The following GRIK1 variants were observed in gnomAD, a reference collection of about 807,000 sequenced individuals.
GRIK1 encodes the protein glutamate receptor ionotropic, kainate 1.
A neutral mutation model predicts 105.7 loss-of-function variants in GRIK1; 69 were observed. The observed-to-expected ratio is 0.65, with a 90% CI of 0.54 to 0.80. GRIK1 has a LOEUF of 0.80. Among genes scored for constraint, GRIK1 ranks in the 30% least tolerant of loss-of-function variants. GRIK1 has a pLI of 0.00. For missense variants in GRIK1, 1,109 were observed against 1,167.3 expected, an observed-to-expected ratio of 0.95 and a Z score of 0.73; for synonymous variants, 438 against 431.3, an observed-to-expected ratio of 1.02 and a Z score of -0.19.
intron 4 of GRIK1, among the ~76,000 whole-genome samples, chr21:29,669,691 G>T (rs1050730347): frequency 6.6e-6 from 1 of 152,122 alleles, no homozygotes; most frequent in South Asian, 2.1e-4. Context: ...CACCTCAGGG[G>T]GTTGTTTGAG....
intron 1 of GRIK1, among the ~76,000 whole-genome samples, chr21:29,872,651 C>T (rs967069645): frequency 5.9e-5 from 9 of 152,106 alleles, no homozygotes; most frequent in Admixed American, 5.2e-4. Context: ...CACAGTTCCA[C>T]GTAGCTGGGG....
At chr21:29,614,886 C>T (rs2061812073) in intron 7 of GRIK1, among the ~76,000 whole-genome samples, 1 of 151,514 alleles carries the variant, frequency 6.6e-6, no homozygotes, top group Non-Finnish European at 1.5e-5. Flanking sequence ...AGTACTCTCT[C>T]TCCCTAAAAA....
At chr21:29,729,940 T>G (rs2064570612) in intron 1 of GRIK1, among the ~76,000 whole-genome samples, 1 of 152,172 alleles carries the variant, frequency 6.6e-6, no homozygotes, top group Non-Finnish European at 1.5e-5. Context: ...ATTTTCAACT[T>G]CTAATCTCTC....
intron 7 of GRIK1, among the ~76,000 whole-genome samples, chr21:29,621,261 G>A (rs2061995150): frequency 6.6e-6 from 1 of 152,128 alleles, no homozygotes; most frequent in African/African-American, 2.4e-5. Flanking sequence ...CACCTGTTGA[G>A]AGAAGTCAGG....
chr21:29,554,514 G>T (rs1483813509), intron 16 of GRIK1, among the ~76,000 whole-genome samples: 1 of 152,006 alleles, frequency 6.6e-6, no homozygotes, highest in South Asian at 2.1e-4. Context: ...TTTTCATTTT[G>T]TATTGTTTAT....
At chr21:29,932,337 T>G (rs1409560967) in intron 1 of GRIK1, among the ~76,000 whole-genome samples, 1 of 152,170 alleles carries the variant, frequency 6.6e-6, no homozygotes, top group Non-Finnish European at 1.5e-5. Context: ...TCATTGCTTG[T>G]TAATTTCAAT....
At chr21:29,542,989 T>C (rs1408210440) in intron 16 of GRIK1, among the ~76,000 whole-genome samples, 1 of 152,224 alleles carries the variant, frequency 6.6e-6, no homozygotes, top group Non-Finnish European at 1.5e-5. Context: ...GCATTTTATG[T>C]ATAGACCTAC....
At chr21:29,673,220 T>G in intron 3 of GRIK1, 56 bp from the exon 4 acceptor site, 1 of 1,196,430 alleles carries the variant, frequency 8.4e-7, no homozygotes, top group Non-Finnish European at 1.2e-6. Context: ...AGAGTATTGT[T>G]TATTGCCATT....
chr21:29,933,829 C>G (rs900327143), intron 1 of GRIK1, among the ~76,000 whole-genome samples: 1 of 152,142 alleles, frequency 6.6e-6, no homozygotes, highest in African/African-American at 2.4e-5. Flanking sequence ...ATCCCCTTCT[C>G]CCTGAAGTCC....
Position 29,919,429 on chromosome 21 carries a change from C to T in GRIK1, c.118+19954G>A, listed in dbSNP as rs577508867. On this transcript the variant is annotated intron_variant, in intron 1 of 17. Coordinates refer to ENST00000327783, the MANE Select transcript of GRIK1 (RefSeq NM_001330994.2). ...ATGCACACAGAGGATGTATTCCAGG[C>T]TCTCTGCAAGAAGTATTACAGCAAT... Among the ~76,000 whole-genome samples the T allele has an allele frequency of 2.6e-5, 4 of 152,262 alleles. No homozygotes were observed. The East Asian group carries it at 7.7e-4, about 29-fold the overall frequency.
intron 1 of GRIK1, among the ~76,000 whole-genome samples, chr21:29,880,209 A>G (rs2069354418): frequency 3.3e-5 from 5 of 152,130 alleles, no homozygotes; most frequent in Admixed American, 3.3e-4. Flanking sequence ...TATATCCCTT[A>G]AGTATTGACA....
At chr21:29,871,680 G>T (rs1009735844) in intron 1 of GRIK1, among the ~76,000 whole-genome samples, 1 of 151,728 alleles carries the variant, frequency 6.6e-6, no homozygotes, top group African/African-American at 2.4e-5. Context: ...GTTTTGAATC[G>T]TAAGTCCTTG....
intron 1 of GRIK1, among the ~76,000 whole-genome samples, chr21:29,736,069 C>T (rs955902563): frequency 6.6e-6 from 1 of 152,106 alleles, no homozygotes; most frequent in African/African-American, 2.4e-5. Context: ...ATTGTAGTGA[C>T]TGTGCTCATA....
chr21:29,731,299 T>C (rs980897848), intron 1 of GRIK1, among the ~76,000 whole-genome samples: 2 of 152,270 alleles, frequency 1.3e-5, no homozygotes, highest in East Asian at 3.9e-4. Context: ...CTCCAGAAAA[T>C]TGACAAGCAA....
At chr21:29,692,765 G>C (rs2063608934) in intron 2 of GRIK1, among the ~76,000 whole-genome samples, 1 of 152,124 alleles carries the variant, frequency 6.6e-6, no homozygotes, top group African/African-American at 2.4e-5. Context: ...AGTAGAGACA[G>C]GGTTTCACCA....
At chr21:29,737,157 C>T (rs982298203) in intron 1 of GRIK1, among the ~76,000 whole-genome samples, 1 of 152,078 alleles carries the variant, frequency 6.6e-6, no homozygotes, top group Admixed American at 6.6e-5. Context: ...CCAAGAAGTC[C>T]CCTTTTAAGT....
At chr21:29,606,617 G>T (rs1431993137) in intron 7 of GRIK1, among the ~76,000 whole-genome samples, 2 of 151,940 alleles carry the variant, frequency 1.3e-5, no homozygotes, top group Non-Finnish European at 2.9e-5. Context: ...ACACTCACCT[G>T]CCAGAGCCAA....
At chr21:29,769,297 G>A (rs968724602) in intron 1 of GRIK1, among the ~76,000 whole-genome samples, 3 of 152,092 alleles carry the variant, frequency 2.0e-5, no homozygotes, top group East Asian at 1.9e-4. Flanking sequence ...TATAAAAAGG[G>A]GACATTTTGA....
At chr21:29,679,645 T>C (rs57303414) in intron 3 of GRIK1, among the ~76,000 whole-genome samples, 10,135 of 152,298 alleles carry the variant, frequency 0.067, 920 homozygotes, top group East Asian at 0.2. Flanking sequence ...TATAACCTGT[T>C]TCAGGTAATG....
Sources: allele counts gnomAD v4.1 joint callset (sites outside exome capture counted in the v4.1 genomes callset), GRCh38; gene constraint gnomAD v4.1.1; transcripts MANE v1.5; gene names NCBI Gene and HGNC (gene_info 2026-07-23, HGNC 2026-07-21).